Variants in CDK18 observed in about 807,000 individuals in gnomAD.
The protein encoded by CDK18 is cyclin dependent kinase 18, also known as cyclin-dependent kinase 18.
CDK18 carries 52 observed loss-of-function variants against 62.0 expected under a neutral mutation model. That is an observed-to-expected ratio of 0.84 (90% CI 0.67 to 1.06). The LOEUF is 1.06. CDK18 is among the 50% of genes least tolerant of loss of function. The pLI is 0.00. For missense variants in CDK18, 604 were observed against 619.9 expected (o/e 0.97, Z 0.27); for synonymous variants, 237 against 247.0 (o/e 0.96, Z 0.38).
At chr1:205,518,654 C>T (rs537604234) in intron 1 of CDK18, among the ~76,000 whole-genome samples, 1 of 152,344 alleles carries the variant, frequency 6.6e-6, no homozygotes, top group South Asian at 2.1e-4. Context: ...CTTGGATGTT[C>T]AGCATCTTCA....
In CDK18 at chr1:205,523,464, T is replaced by C; in HGVS notation, c.131-19T>C. 3 of 1,596,166 alleles carry C rather than the reference T, an allele frequency of 1.9e-6. No homozygotes were observed. The highest frequency in any genetic ancestry group is 8.5e-7 in the Non-Finnish European group (1 of 1,171,878). On this transcript the variant is annotated intron_variant, in intron 2 of 15. Coordinates refer to ENST00000429964, the MANE Select transcript of CDK18 (RefSeq NM_212502.3). ...AGGACAGAGAGGCAGGGAGGGGAGC[T>C]GACGCCTGTCCCTCTTAGACTTGCA...
rs759710989 is a variant in CDK18 at position 205,528,054 on chromosome 1, C to G, written c.860C>G (p.Ala287Gly). Residue 287 changes from alanine to glycine, a missense_variant, in exon 10 of 16, where the codon GCC becomes GGC. Transcript: ENST00000429964. The surrounding 1 kb of genome is among the most constrained non-coding windows in gnomAD (Gnocchi z 4.2). ...GELKLADFGLARAKSVPTKTY... is the reference protein window; with the variant it reads ...GELKLADFGLGRAKSVPTKTY... ...GTGACATGTCTGCCCCCAGGACTGG[C>G]CAGGGCCAAGTCAGTGCCCACAAAG... is the stretch of plus-strand genomic sequence containing the variant. The G allele has an allele frequency of 6.2e-7, 1 of 1,614,124 alleles. No homozygotes were observed. Among genetic ancestry groups the G allele is most frequent in the Non-Finnish European group, 8.5e-7 (1 of 1,179,980 alleles).
chr1:205,530,074 C>T, intron 13 of CDK18, 185 bp from the exon 14 acceptor site: 1 of 1,431,028 alleles, frequency 7.0e-7, no homozygotes, highest in Non-Finnish European at 9.1e-7. Context: ...ACCGAGGAGC[C>T]TTCCCCTGAG....
intron 1 of CDK18, among the ~76,000 whole-genome samples, chr1:205,515,357 A>G (rs1255152791): frequency 2.0e-5 from 3 of 151,838 alleles, no homozygotes; most frequent in African/African-American, 7.3e-5. Flanking sequence ...TTGTATTTTT[A>G]GTAGAGACAG....
chr1:205,519,475 G>A (rs575463159), intron 1 of CDK18, among the ~76,000 whole-genome samples: 2 of 151,454 alleles, frequency 1.3e-5, no homozygotes. Context: ...CCATCAGGAA[G>A]TCCATCCTAC....
intron 1 of CDK18, 85 bp from the exon 2 acceptor site, chr1:205,523,062 T>G: frequency 3.4e-5 from 49 of 1,424,254 alleles, no homozygotes; most frequent in Non-Finnish European, 4.5e-5. Flanking sequence ...CAGAGCTTGA[T>G]GAGAGAGCTG....
At chr1:205,522,642 C>G (rs1668192936) in intron 1 of CDK18, 1 of 152,728 alleles carries the variant, frequency 6.5e-6, no homozygotes, top group Admixed American at 6.5e-5. Context: ...GTTTACGGGC[C>G]TTGGTCAGTA....
chr1:205,506,084 G>A (rs553941478), intron 1 of CDK18, among the ~76,000 whole-genome samples: 8 of 152,202 alleles, frequency 5.3e-5, no homozygotes, highest in South Asian at 4.1e-4. Context: ...TGCCTGGAGC[G>A]CCTGGTGGAC....
At chr1:205,521,566 T>C (rs1668128629) in intron 1 of CDK18, among the ~76,000 whole-genome samples, 1 of 152,160 alleles carries the variant, frequency 6.6e-6, no homozygotes, top group Non-Finnish European at 1.5e-5. Context: ...CTGACAGAGA[T>C]GGGCCTGCCT....
chr1:205,529,780 A>T (rs566289117), intron 13 of CDK18: 1 of 1,494,190 alleles, frequency 6.7e-7, no homozygotes, highest in Non-Finnish European at 9.0e-7. Context: ...TTAGCTGTGT[A>T]GCTCTGGGCA....
At chr1:205,508,250 C>T (rs563157373) in intron 1 of CDK18, among the ~76,000 whole-genome samples, 3 of 152,346 alleles carry the variant, frequency 2.0e-5, no homozygotes, top group Admixed American at 6.5e-5. Context: ...TCCAGGCATT[C>T]CCTGCTGAGT....
intron 1 of CDK18, among the ~76,000 whole-genome samples, chr1:205,515,191 T>C (rs1667758842): frequency 6.6e-6 from 1 of 150,440 alleles, no homozygotes; most frequent in Non-Finnish European, 1.5e-5. Flanking sequence ...TTTTTTTTTT[T>C]TTTGAGATGG....
intron 14 of CDK18, 66 bp downstream of exon 14, chr1:205,530,415 A>T: frequency 6.6e-7 from 1 of 1,508,442 alleles, no homozygotes; most frequent in South Asian, 1.1e-5. Context: ...GAGTGTGGGC[A>T]GAAGAACCAG....
intron 11 of CDK18, 73 bp from the exon 12 acceptor site, chr1:205,529,251 A>G (rs1668608345): frequency 4.9e-6 from 7 of 1,442,356 alleles, no homozygotes; most frequent in South Asian, 3.6e-5. Context: ...CACCTCATAC[A>G]TTGCATCCCT....
Position 205,524,233 on chromosome 1 carries a change from A to G in CDK18, c.275A>G (p.Asp92Gly), listed in dbSNP as rs1418752138. The G allele has an allele frequency of 5.0e-6, 8 of 1,614,176 alleles. No individual in the cohort carries two copies. The highest frequency in any genetic ancestry group is 6.8e-6 in the Non-Finnish European group (8 of 1,180,008). Residue 92 changes from aspartate to glycine, a missense_variant and splice_region_variant, in exon 4 of 16, where the codon GAC becomes GGC. Physicochemically the swap from Asp to Gly is moderately conservative, Grantham distance 94. Transcript: ENST00000429964. The stretch of plus-strand genomic sequence containing the variant: ...CCCATCTCATCCCTGTCACCACAGG[A>G]CGTCAGCAAGAGGCTCTCTCTGCCC... ...RQNQRRFSMEDVSKRLSLPMD... is the reference protein window; with the variant it reads ...RQNQRRFSMEGVSKRLSLPMD...
At chr1:205,518,366 T>C (rs1198468240) in intron 1 of CDK18, among the ~76,000 whole-genome samples, 1 of 152,226 alleles carries the variant, frequency 6.6e-6, no homozygotes, top group African/African-American at 2.4e-5. Flanking sequence ...GCAGCAGGTG[T>C]TCAATAATTG....
Position 205,519,381 on chromosome 1 carries a change from A to T in CDK18, c.-21-3766A>T, listed in dbSNP as rs182380148. 5.9e-4 allele frequency among the ~76,000 whole-genome samples: 89 copies of T among 152,072 alleles called. 1 individual carries two copies. The East Asian group carries it at 0.014, about 25-fold the overall frequency. The stretch of plus-strand genomic sequence containing the variant: ...CTGGTTGTCCCCAGCAGAGAGAGAC[A>T]TCCACTCTGCTGTGGTCACCACCCC... On this transcript the variant is annotated intron_variant, in intron 1 of 15. Transcript: ENST00000429964.
rs377527922 is a variant in CDK18, at chr1:205,527,940, G to C, written c.853+23G>C. 1.9e-6 allele frequency: 3 copies of C among 1,613,930 alleles called. No homozygotes were observed. The highest frequency in any genetic ancestry group is 4.5e-5 in the East Asian group (2 of 44,886). ...TTGGTGAGGCTGGGGCTAGGGTGGG[G>C]GTCTGACGCTACTGGGGTGCCTCAG... On this transcript the variant is annotated intron_variant, in intron 9 of 15. Transcript: ENST00000429964. This position sits in a 1 kb window ranked among gnomAD's most constrained non-coding sequence, Gnocchi z 4.1.
intron 11 of CDK18, 75 bp from the exon 12 acceptor site, chr1:205,529,249 A>G (rs1002505891): frequency 5.6e-6 from 8 of 1,432,576 alleles, no homozygotes; most frequent in Admixed American, 1.8e-5. Flanking sequence ...CCCACCTCAT[A>G]CATTGCATCC....
Sources: allele counts gnomAD v4.1 joint callset (sites outside exome capture counted in the v4.1 genomes callset), GRCh38; gene constraint gnomAD v4.1.1; non-coding constraint Gnocchi (gnomAD v3.1); transcripts MANE v1.5; gene names NCBI Gene and HGNC (gene_info 2026-07-23, HGNC 2026-07-21).